The following TBC1D12 variants were observed in gnomAD, a reference collection of about 807,000 sequenced individuals.
The protein encoded by TBC1D12 is TBC1 domain family member 12, also known as TBC1 domain family, member 12.
Under a neutral mutation model 86.7 loss-of-function variants are expected in TBC1D12, and 56 were observed. The observed-to-expected ratio is 0.65, with a 90% CI of 0.52 to 0.81. TBC1D12 has a LOEUF of 0.81. TBC1D12 is among the 30% of genes least tolerant of loss of function. The pLI, the probability that TBC1D12 is intolerant of heterozygous loss-of-function variation, is 0.00. For synonymous variants in TBC1D12, 421 were observed against 411.7 expected (o/e 1.02, Z -0.27); for missense variants, 1,023 against 1,038.8 (o/e 0.98, Z 0.21).
intron 1 of TBC1D12, among the ~76,000 whole-genome samples, chr10:94,416,970 C>T (rs1409136604): frequency 6.6e-6 from 1 of 152,142 alleles, no homozygotes; most frequent in African/African-American, 2.4e-5. Context: ...GTGTCAAAAA[C>T]TGAGGCAAAA....
intron 6 of TBC1D12, among the ~76,000 whole-genome samples, chr10:94,501,072 A>AATG (rs2056389335): frequency 7.0e-6 from 1 of 143,236 alleles, no homozygotes; most frequent in African/African-American, 2.6e-5. Flanking sequence ...ATGAATGAAT[A>AATG]AATGAATGAA....
In TBC1D12 at chr10:94,500,234, A is replaced by G; in HGVS notation, c.1426A>G (p.Arg476Gly). 6.2e-7 allele frequency: 1 copy of G among 1,613,874 alleles called. No individual in the cohort carries two copies. Among genetic ancestry groups the G allele is most frequent in the Non-Finnish European group, 8.5e-7 (1 of 1,179,906 alleles). The change falls in exon 6 of 13, where the codon AGA becomes GGA. Residue 476 changes from arginine (R) to glycine (G), a missense_variant. By Grantham distance (125) the Arg-to-Gly change is moderately radical (BLOSUM62 -2). Around this residue, in one of 2 missense-constraint regions of TBC1D12, gnomAD observed 395 missense variants for 507.7 expected, o/e 0.78. Transcript: ENST00000225235. ...CTTTAATTCTAGGCGTAGTACAAGA[A>G]GAGTTCGAGAATTGTGGTGGCAGGG... Reference protein sequence around the residue: ...PNWEVMRSTRRVRELWWQGLP... With the variant: ...PNWEVMRSTRGVRELWWQGLP...
Position 94,403,165 on chromosome 10 carries a change from C to G in TBC1D12, c.552C>G (p.Gly184=). 1 of 1,445,650 alleles carries G rather than the reference C, an allele frequency of 6.9e-7. No individual in the cohort carries two copies. Among genetic ancestry groups the G allele is most frequent in the Non-Finnish European group, 9.1e-7 (1 of 1,104,782 alleles). The allele number at this position is 1,445,650 out of a possible 1,614,324, so 89.6% of individuals were successfully genotyped here. Reference sequence around the variant, plus strand: ...GGCCTGGCGACGAGGACGCGGACGGCGCGGGAAGCCCGTCCGATTGGGCCT... The same window carrying G: ...GGCCTGGCGACGAGGACGCGGACGGGGCGGGAAGCCCGTCCGATTGGGCCT... ...LEGPGDEDAD[G]AGSPSDWASP... is the part of the protein sequence containing the mutation. Residue 184 remains glycine (G), a synonymous_variant, in exon 1 of 13, where the codon GGC becomes GGG. Coordinates refer to ENST00000225235, the MANE Select transcript of TBC1D12 (RefSeq NM_015188.2).
chr10:94,444,134 C>T (rs1295652693), intron 2 of TBC1D12, among the ~76,000 whole-genome samples: 1 of 147,446 alleles, frequency 6.8e-6, no homozygotes, highest in Non-Finnish European at 1.5e-5. Flanking sequence ...CATGCCACTG[C>T]ACTTCAGCCT....
intron 4 of TBC1D12, among the ~76,000 whole-genome samples, chr10:94,494,898 G>C (rs1264347704): frequency 6.6e-6 from 1 of 151,944 alleles, no homozygotes; most frequent in African/African-American, 2.4e-5. Context: ...GGTCGCACTT[G>C]TTACCTAGGC....
chr10:94,417,434 T>C (rs1204757006), intron 1 of TBC1D12, among the ~76,000 whole-genome samples: 2 of 152,184 alleles, frequency 1.3e-5, no homozygotes, highest in Non-Finnish European at 2.9e-5. Flanking sequence ...ATTGAGATGA[T>C]ATGAAAATAG....
chr10:94,531,622 G>A (rs1160347283), intron 12 of TBC1D12, among the ~76,000 whole-genome samples, 162 bp downstream of exon 12: 2 of 149,664 alleles, frequency 1.3e-5, no homozygotes, highest in Non-Finnish European at 3.0e-5. Flanking sequence ...CCACTTTGCA[G>A]CTATCCAAAC....
At chr10:94,444,177 A>G (rs1436202219) in intron 2 of TBC1D12, among the ~76,000 whole-genome samples, 1 of 151,784 alleles carries the variant, frequency 6.6e-6, no homozygotes, top group Non-Finnish European at 1.5e-5. Context: ...CTCAAGAAAA[A>G]AAAAAAAAAA....
chr10:94,464,859 G>A (rs1045544155), intron 2 of TBC1D12, among the ~76,000 whole-genome samples: 1 of 152,130 alleles, frequency 6.6e-6, no homozygotes, highest in East Asian at 1.9e-4. Flanking sequence ...GGGGAGAGTG[G>A]CATTGTTTTA....
chr10:94,483,346 C>T (rs1476118756), intron 3 of TBC1D12, among the ~76,000 whole-genome samples: 3 of 152,142 alleles, frequency 2.0e-5, no homozygotes, highest in Non-Finnish European at 4.4e-5. Context: ...AAACTGTTCA[C>T]CATAGTGGTT....
intron 2 of TBC1D12, among the ~76,000 whole-genome samples, chr10:94,473,964 G>T (rs79384753): frequency 6.6e-6 from 1 of 152,102 alleles, no homozygotes; most frequent in African/African-American, 2.4e-5. Flanking sequence ...CTATATTTTT[G>T]AATAAGATGT....
chr10:94,405,929 G>A (rs2054848411), intron 1 of TBC1D12, among the ~76,000 whole-genome samples: 1 of 151,692 alleles, frequency 6.6e-6, no homozygotes, highest in South Asian at 2.1e-4. Flanking sequence ...TCCTGCCTCA[G>A]CCTCCCAAGT....
intron 5 of TBC1D12, among the ~76,000 whole-genome samples, chr10:94,499,676 C>A (rs190915601): frequency 6.6e-6 from 1 of 152,250 alleles, no homozygotes; most frequent in East Asian, 1.9e-4. Context: ...AGTCTTAGAA[C>A]TTTTATAAGG....
chr10:94,434,539 A>G (rs2134080873), intron 1 of TBC1D12, among the ~76,000 whole-genome samples: 1 of 152,154 alleles, frequency 6.6e-6, no homozygotes, highest in East Asian at 1.9e-4. Flanking sequence ...AAATCTTTTA[A>G]CCATTTTAGT....
intron 3 of TBC1D12, among the ~76,000 whole-genome samples, chr10:94,489,725 C>T (rs947757942): frequency 1.3e-5 from 2 of 152,082 alleles, no homozygotes; most frequent in Non-Finnish European, 2.9e-5. Flanking sequence ...ATTAATTGGC[C>T]TAATTTCAAT....
At chr10:94,455,884 G>T (rs1208111852) in intron 2 of TBC1D12, among the ~76,000 whole-genome samples, 1 of 152,050 alleles carries the variant, frequency 6.6e-6, no homozygotes, top group Non-Finnish European at 1.5e-5. Flanking sequence ...CTTGAACTCG[G>T]GAAGCAGAGG....
chr10:94,428,219 G>C (rs1444093667), intron 1 of TBC1D12, among the ~76,000 whole-genome samples: 1 of 151,890 alleles, frequency 6.6e-6, no homozygotes, highest in Non-Finnish European at 1.5e-5. Flanking sequence ...GGAAGTGGTA[G>C]GTTGGTGTAT....
intron 1 of TBC1D12, among the ~76,000 whole-genome samples, chr10:94,406,672 A>G (rs1245753896): frequency 2.0e-5 from 3 of 152,232 alleles, no homozygotes; most frequent in Non-Finnish European, 4.4e-5. Flanking sequence ...CCTGTCTCAC[A>G]ACACAACCCA....
chr10:94,454,385 A>G (rs1298758859), intron 2 of TBC1D12, among the ~76,000 whole-genome samples: 2 of 151,950 alleles, frequency 1.3e-5, no homozygotes, highest in South Asian at 2.1e-4. Flanking sequence ...CTAATTTTCT[A>G]TTTTTAGTAG....
Sources: gnomAD v4.1 joint callset for allele counts (sites outside exome capture counted in the v4.1 genomes callset) on GRCh38, gnomAD v4.1.1 for gene constraint, gnomAD v4.1.1 regional missense constraint, MANE v1.5 for transcripts, NCBI Gene and HGNC (gene_info 2026-07-23, HGNC 2026-07-21) for gene names.